The following SPIN1 variants were observed in gnomAD, a reference collection of about 807,000 sequenced individuals.
SPIN1 encodes spindlin 1.
Under a neutral mutation model 26.0 loss-of-function variants are expected in SPIN1, and 3 were observed. The ratio of observed to expected loss-of-function variants is 0.12; its 90% CI spans 0.05 to 0.30. SPIN1 has a LOEUF of 0.30. Among genes scored for constraint, SPIN1 ranks in the 10% least tolerant of loss-of-function variants. The pLI is 1.00. For synonymous variants in SPIN1, 101 were observed against 116.5 expected, an observed-to-expected ratio of 0.87 and a Z score of 0.86; for missense variants, 126 against 333.4, an observed-to-expected ratio of 0.38 and a Z score of 4.84.
At chr9:88,441,992 C>T (rs1331987533) in intron 2 of SPIN1, among the ~76,000 whole-genome samples, 1 of 147,716 alleles carries the variant, frequency 6.8e-6, no homozygotes, top group Non-Finnish European at 1.5e-5. Context: ...TGCTCTGTCA[C>T]CCAGCCTGGA....
intron 4 of SPIN1, among the ~76,000 whole-genome samples, chr9:88,467,044 T>A (rs1019682786): frequency 3.5e-5 from 5 of 144,334 alleles, no homozygotes; most frequent in African/African-American, 1.4e-4. Flanking sequence ...TCTCTAATTG[T>A]TTGTTTGTTT....
intron 4 of SPIN1, among the ~76,000 whole-genome samples, chr9:88,466,170 T>A (rs1828664413): frequency 6.6e-6 from 1 of 152,204 alleles, no homozygotes; most frequent in South Asian, 2.1e-4. Flanking sequence ...TTTTAATTTT[T>A]TTTTTAGAGA....
chr9:88,428,165 A>T (rs542470984), intron 2 of SPIN1, among the ~76,000 whole-genome samples: 1 of 152,162 alleles, frequency 6.6e-6, no homozygotes, highest in Non-Finnish European at 1.5e-5. Context: ...CAAATTCAAC[A>T]TGCATTCTTC....
At chr9:88,460,480 A>G (rs925186217) in intron 3 of SPIN1, among the ~76,000 whole-genome samples, 4 of 152,214 alleles carry the variant, frequency 2.6e-5, no homozygotes, top group African/African-American at 9.6e-5. Flanking sequence ...TGGGAAATAG[A>G]TAAAATATGA....
At chr9:88,410,697 G>T in intron 1 of SPIN1, 2 of 1,411,942 alleles carry the variant, frequency 1.4e-6, no homozygotes. Flanking sequence ...ACTGATTGTT[G>T]TAATTGCCAA....
intron 1 of SPIN1, chr9:88,411,493 T>C: frequency 2.3e-6 from 2 of 870,548 alleles, no homozygotes; most frequent in Non-Finnish European, 3.6e-6. Flanking sequence ...ACTTTAATGA[T>C]GCTTCAGCGT....
intron 5 of SPIN1, among the ~76,000 whole-genome samples, chr9:88,471,200 A>G (rs7031075): frequency 1.6e-4 from 24 of 151,978 alleles, no homozygotes; most frequent in Non-Finnish European, 3.4e-4. Context: ...TCGTTTTCTT[A>G]TAAGAGTTTT....
chr9:88,395,435 AATG>A (rs1437342225), intron 1 of SPIN1, among the ~76,000 whole-genome samples: 2 of 152,046 alleles, frequency 1.3e-5, no homozygotes, highest in African/African-American at 2.4e-5. Flanking sequence ...CTCATCTCCT[AATG>A]ATGAACATTT....
Position 88,468,538 on chromosome 9 carries a change from T to C in SPIN1, c.522T>C (p.Pro174=). The part of the protein sequence containing the change: ...TWFYITYEKD[P]VLYMYQLLDD... The stretch of plus-strand genomic sequence containing the variant: ...TTTACATTACCTATGAGAAAGACCC[T>C]GTCTTGTACATGTACCAACTCTTAG... The change falls in exon 5 of 6, where the codon CCT becomes CCC. Residue 174 remains proline (P), a synonymous_variant. Coordinates refer to ENST00000375859, the MANE Select transcript of SPIN1 (RefSeq NM_006717.3). 1.2e-6 allele frequency: 2 copies of C among 1,611,260 alleles called. No homozygotes were observed. Among genetic ancestry groups the C allele is most frequent in the Middle Eastern group, 1.7e-4 (1 of 6,048 alleles).
At chr9:88,441,728 C>T (rs994235814) in intron 2 of SPIN1, among the ~76,000 whole-genome samples, 1 of 150,770 alleles carries the variant, frequency 6.6e-6, no homozygotes, top group Admixed American at 6.6e-5. Context: ...CGCAGTCCAG[C>T]CTGGGCCACA....
intron 3 of SPIN1, among the ~76,000 whole-genome samples, chr9:88,453,638 C>A (rs533685577): frequency 1.3e-5 from 2 of 152,062 alleles, no homozygotes; most frequent in South Asian, 4.1e-4. Context: ...GCGATTCTTC[C>A]GCCTCAGCCT....
At position 88,475,941 on chromosome 9, in the gene SPIN1, G is replaced by C. The variant is rs1828882588; in HGVS notation, c.*664G>C. The stretch of plus-strand genomic sequence containing the variant: ...AAAAAAAAAAAATCAGAAGTTCAGA[G>C]CACCTTTTCAATCTGGAGCCCTTAA... On this transcript the variant is annotated 3_prime_UTR_variant, in exon 6 of 6. Coordinates refer to ENST00000375859, the MANE Select transcript of SPIN1 (RefSeq NM_006717.3). The C allele has an allele frequency of 6.6e-6, 1 of 152,014 alleles. No individual in the cohort carries two copies. Among genetic ancestry groups the C allele is most frequent in the Non-Finnish European group, 1.5e-5 (1 of 68,020 alleles). 9.4% of individuals were successfully genotyped at this position (152,014 alleles called of 1,614,324 possible). A position where few individuals can be genotyped will look rare whatever the true frequency, so the allele number is the denominator to read the frequency against.
At chr9:88,472,016 C>G (rs950357237) in intron 5 of SPIN1, among the ~76,000 whole-genome samples, 6 of 152,046 alleles carry the variant, frequency 3.9e-5, no homozygotes, top group African/African-American at 7.2e-5. Context: ...CCAGGCTGGT[C>G]TCAAACTCCT....
intron 1 of SPIN1, among the ~76,000 whole-genome samples, chr9:88,391,037 A>T (rs530992082): frequency 6.6e-6 from 1 of 152,196 alleles, no homozygotes; most frequent in Admixed American, 6.5e-5. Flanking sequence ...TTCTTGCCCC[A>T]CAAGTTGCTT....
At chr9:88,403,971 AGAT>A (rs1298691180) in intron 1 of SPIN1, among the ~76,000 whole-genome samples, 2 of 152,196 alleles carry the variant, frequency 1.3e-5, no homozygotes, top group African/African-American at 4.8e-5. Context: ...CACAAAACTT[AGAT>A]GGTGTAGCCT....
At position 88,440,184 on chromosome 9, in the gene SPIN1, CAG is replaced by C. The variant is rs200124508; in HGVS notation, c.53-8754_53-8753del. ...TTTTTTTAATTTTTAAAAATAGAGACAGAGTTTCACCATGTTACAAAGGCTGG... is the reference window on the plus strand; with the variant it reads ...TTTTTTTAATTTTTAAAAATAGAGACAGTTTCACCATGTTACAAAGGCTGG... On this transcript the variant is annotated intron_variant, in intron 2 of 5. Transcript: ENST00000375859. Among the ~76,000 whole-genome samples the C allele has an allele frequency of 2.6e-3, 392 of 150,070 alleles. 5 individuals carry two copies. The highest frequency in any genetic ancestry group is 9.0e-3 in the African/African-American group (362 of 40,336).
chr9:88,452,330 G>C (rs1564038517), intron 3 of SPIN1, among the ~76,000 whole-genome samples: 1 of 152,172 alleles, frequency 6.6e-6, no homozygotes, highest in African/African-American at 2.4e-5. Context: ...AGGACAGTCT[G>C]ATTCCAGAGC....
intron 1 of SPIN1, among the ~76,000 whole-genome samples, chr9:88,406,468 A>G (rs1444971199): frequency 1.3e-5 from 2 of 151,600 alleles, no homozygotes; most frequent in African/African-American, 2.4e-5. Flanking sequence ...ATTTTTTTGT[A>G]TTTTTAGTAG....
chr9:88,390,636 T>A (rs867643731), intron 1 of SPIN1, among the ~76,000 whole-genome samples: 7 of 152,248 alleles, frequency 4.6e-5, no homozygotes, highest in Non-Finnish European at 8.8e-5. Context: ...CTTCTTTCCC[T>A]TTCCATGAAT....
Sources: gnomAD v4.1 joint callset for allele counts (sites outside exome capture counted in the v4.1 genomes callset) on GRCh38, gnomAD v4.1.1 for gene constraint, MANE v1.5 for transcripts, NCBI Gene and HGNC (gene_info 2026-07-23, HGNC 2026-07-21) for gene names.